The following EMILIN2 variants were observed in gnomAD, a reference collection of about 807,000 sequenced individuals.
EMILIN2 encodes EMILIN-2.
A neutral mutation model predicts 87.1 loss-of-function variants in EMILIN2; 71 were observed. The ratio of observed to expected loss-of-function variants is 0.82; its 90% CI spans 0.67 to 0.99. The LOEUF is 0.99. Among genes scored for constraint, EMILIN2 ranks in the 50% least tolerant of loss-of-function variants. The pLI is 0.00. For synonymous variants in EMILIN2, 581 were observed against 563.4 expected, an observed-to-expected ratio of 1.03 and a Z score of -0.44; for missense variants, 1,407 against 1,371.8, an observed-to-expected ratio of 1.03 and a Z score of -0.40.
At chr18:2,860,360 C>T (rs1598486268) in intron 2 of EMILIN2, among the ~76,000 whole-genome samples, 3 of 152,174 alleles carry the variant, frequency 2.0e-5, no homozygotes, top group African/African-American at 7.2e-5. Flanking sequence ...TAACATTAGG[C>T]ATATCTCCTA....
In EMILIN2 at chr18:2,890,747, G is replaced by T; in HGVS notation, c.620G>T (p.Gly207Val). ...TVLDLQSSLA[G>V]VSENLKHATQ... ...CTTGACCTCCAGTCTTCCCTTGCTG[G>T]AGTGAGTGAAAATCTCAAACATGCC... Residue 207 changes from glycine (G) to valine (V), a missense_variant, in exon 4 of 8, where the codon GGA becomes GTA. Coordinates refer to ENST00000254528, the MANE Select transcript of EMILIN2 (RefSeq NM_032048.3). This position sits in a 1 kb window ranked among gnomAD's most constrained non-coding sequence, Gnocchi z 4.7. The T allele has an allele frequency of 1.2e-6, 2 of 1,614,012 alleles. No homozygotes were observed. Among genetic ancestry groups the T allele is most frequent in the Non-Finnish European group, 1.7e-6 (2 of 1,179,962 alleles).
At chr18:2,857,458 A>G (rs535150558) in intron 2 of EMILIN2, among the ~76,000 whole-genome samples, 6 of 152,308 alleles carry the variant, frequency 3.9e-5, no homozygotes, top group Non-Finnish European at 8.8e-5. Flanking sequence ...TTGTGAGAGG[A>G]TAATGAGGTA....
chr18:2,857,853 G>A (rs1360037252), intron 2 of EMILIN2, among the ~76,000 whole-genome samples: 2 of 152,214 alleles, frequency 1.3e-5, no homozygotes, highest in Admixed American at 1.3e-4. Context: ...GCTGGTGCCA[G>A]GAAGCAAGGT....
intron 2 of EMILIN2, among the ~76,000 whole-genome samples, chr18:2,877,222 T>C (rs1412227516): frequency 6.6e-6 from 1 of 152,204 alleles, no homozygotes; most frequent in Non-Finnish European, 1.5e-5. Context: ...TGACTGTCAG[T>C]AGGACAAAGT....
In EMILIN2 at chr18:2,847,597, T is replaced by C. The variant is rs1480946082; in HGVS notation, c.135-212T>C. Among the ~76,000 whole-genome samples the C allele has an allele frequency of 6.6e-6, 1 of 152,080 alleles. No individual in the cohort carries two copies. Among genetic ancestry groups the C allele is most frequent in the African/African-American group, 2.4e-5 (1 of 41,430 alleles). On this transcript the variant is annotated intron_variant, in intron 1 of 7. Coordinates refer to ENST00000254528, the MANE Select transcript of EMILIN2 (RefSeq NM_032048.3). The surrounding 1 kb of genome is among the most constrained non-coding windows in gnomAD (Gnocchi z 4.5). ...ATGAGCCCCTGGGACCATGGGTGCT[T>C]TTCTTTCCCGTCTTGGTCGGGTCCA... is the stretch of plus-strand genomic sequence containing the variant.
intron 4 of EMILIN2, among the ~76,000 whole-genome samples, chr18:2,895,963 G>A (rs1469405852): frequency 6.6e-6 from 1 of 152,130 alleles, no homozygotes; most frequent in Non-Finnish European, 1.5e-5. Context: ...ACACTGTGGT[G>A]TTTCTACTCA....
At position 2,847,299 on chromosome 18, in the gene EMILIN2, C is replaced by T; in HGVS notation, c.111C>T (p.Pro37=). 1 of 1,318,406 alleles carries T rather than the reference C, an allele frequency of 7.6e-7. No homozygotes were observed. Among genetic ancestry groups the T allele is most frequent in the Non-Finnish European group, 9.6e-7 (1 of 1,036,686 alleles). 81.7% of individuals were successfully genotyped at this position (1,318,406 alleles called of 1,614,324 possible). Residue 37 remains proline, a synonymous_variant, in exon 1 of 8, where the codon CCC becomes CCT. Coordinates refer to ENST00000254528, the MANE Select transcript of EMILIN2 (RefSeq NM_032048.3). The surrounding 1 kb of genome is among the most constrained non-coding windows in gnomAD (Gnocchi z 4.5). ...ACGCCGGCCCGCAGCCCGGGTATCC[C>T]GCGCGGCCCAGCGCCAGGAACAAGT... The part of the protein sequence containing the change: ...LCHAGPQPGY[P]ARPSARNKNW...
chr18:2,909,915 G>A, intron 7 of EMILIN2, 96 bp downstream of exon 7: 5 of 1,547,282 alleles, frequency 3.2e-6, no homozygotes, highest in Non-Finnish European at 4.4e-6. Flanking sequence ...AGCGTCCCGT[G>A]GGCTCAGGGA....
chr18:2,871,889 AT>A (rs1303886889), intron 2 of EMILIN2, among the ~76,000 whole-genome samples: 1 of 152,108 alleles, frequency 6.6e-6, no homozygotes, highest in Non-Finnish European at 1.5e-5. Context: ...TATAATTTTC[AT>A]TTCTGTAAAG....
At position 2,907,020 on chromosome 18, in the gene EMILIN2, G is replaced by A; in HGVS notation, c.2597G>A (p.Arg866Gln). The change falls in exon 5 of 8, where the codon CGG (arginine) becomes CAG (glutamine). Residue 866 changes from arginine to glutamine, a missense_variant. Coordinates refer to ENST00000254528, the MANE Select transcript of EMILIN2 (RefSeq NM_032048.3). ...GAGVSGRGLP[R>Q]GVDGQTGSGT... ...GGCGTGTCTGGGCGGGGTCTGCCGC[G>A]GGGCGTGGACGGCCAGACCGGGAGC... 1 of 1,317,846 alleles carries A rather than the reference G, an allele frequency of 7.6e-7. No individual in the cohort carries two copies. The highest frequency in any genetic ancestry group is 9.6e-7 in the Non-Finnish European group (1 of 1,037,624). The allele number at this position is 1,317,846 out of a possible 1,614,324, so 81.6% of individuals were successfully genotyped here.
chr18:2,884,279 T>C (rs762704244), intron 2 of EMILIN2, among the ~76,000 whole-genome samples: 2 of 151,716 alleles, frequency 1.3e-5, no homozygotes, highest in Admixed American at 1.3e-4. Flanking sequence ...TTTGAGACAG[T>C]CTCGCTGTGT....
At position 2,914,914 on chromosome 18, in the gene EMILIN2, G is replaced by A. The variant is rs912874717; in HGVS notation, c.*1510G>A. ...ATCTCACCCCATTACAACAGCTGGG[G>A]AACTGGCTAAAGAGAGCTGTCAGAG... On this transcript the variant is annotated 3_prime_UTR_variant, in exon 8 of 8. Transcript: ENST00000254528. 4 of 152,370 alleles carry A rather than the reference G, an allele frequency of 2.6e-5. No homozygotes were observed. The highest frequency in any genetic ancestry group is 3.4e-3 in the Middle Eastern group (1 of 294). 9.4% of individuals were successfully genotyped at this position (152,370 alleles called of 1,614,324 possible).
intron 4 of EMILIN2, among the ~76,000 whole-genome samples, chr18:2,895,936 C>G (rs910228532): frequency 6.6e-6 from 1 of 152,152 alleles, no homozygotes; most frequent in African/African-American, 2.4e-5. Flanking sequence ...GTAAGCAGAT[C>G]GCCAGACCGG....
At position 2,891,365 on chromosome 18, in the gene EMILIN2, A is replaced by G; in HGVS notation, c.1238A>G (p.Asp413Gly). 6.2e-7 allele frequency: 1 copy of G among 1,614,222 alleles called. No homozygotes were observed. The highest frequency in any genetic ancestry group is 8.5e-7 in the Non-Finnish European group (1 of 1,180,042). Residue 413 changes from aspartate (D) to glycine (G), a missense_variant, in exon 4 of 8, where the codon GAC becomes GGC. Asp to Gly is a moderately conservative substitution (Grantham distance 94). Coordinates refer to ENST00000254528, the MANE Select transcript of EMILIN2 (RefSeq NM_032048.3). The surrounding 1 kb of genome is among the most constrained non-coding windows in gnomAD (Gnocchi z 4.6). ...GDIGQQIKTLDQKIERVAEAT... is the reference protein window; with the variant it reads ...GDIGQQIKTLGQKIERVAEAT... Reference sequence around the variant, plus strand: ...ATTGGTCAACAGATCAAGACATTGGACCAGAAAATCGAGAGAGTTGCTGAA... The same window carrying G: ...ATTGGTCAACAGATCAAGACATTGGGCCAGAAAATCGAGAGAGTTGCTGAA...
chr18:2,912,205 A>AT (rs11401685), intron 7 of EMILIN2, among the ~76,000 whole-genome samples: 8,018 of 151,086 alleles, frequency 0.053, 608 homozygotes, highest in African/African-American at 0.16. Flanking sequence ...CGCCCATCTA[A>AT]TTTTTTTTGT....
intron 2 of EMILIN2, among the ~76,000 whole-genome samples, chr18:2,853,664 G>A (rs2076612554): frequency 6.6e-6 from 1 of 152,204 alleles, no homozygotes; most frequent in Non-Finnish European, 1.5e-5. Context: ...AGCAGAGCCT[G>A]CCTTCAAACC....
intron 2 of EMILIN2, among the ~76,000 whole-genome samples, chr18:2,872,682 C>T (rs1279307210): frequency 1.3e-5 from 2 of 152,112 alleles, no homozygotes; most frequent in African/African-American, 4.8e-5. Flanking sequence ...TTTTGCTAAG[C>T]TGTAAGTGAC....
At chr18:2,900,219 G>C (rs569886051) in intron 4 of EMILIN2, among the ~76,000 whole-genome samples, 1 of 151,800 alleles carries the variant, frequency 6.6e-6, no homozygotes, top group Admixed American at 6.6e-5. Context: ...ACAGGGTCTT[G>C]CTCTGTTGCC....
chr18:2,899,108 C>T (rs527659420), intron 4 of EMILIN2, among the ~76,000 whole-genome samples: 11 of 152,118 alleles, frequency 7.2e-5, no homozygotes, highest in South Asian at 2.1e-4. Flanking sequence ...AAAAACTCCT[C>T]GGCTCACTCA....
Sources: gnomAD v4.1 joint callset for allele counts (sites outside exome capture counted in the v4.1 genomes callset) on GRCh38, gnomAD v4.1.1 for gene constraint, Gnocchi (gnomAD v3.1) non-coding constraint, MANE v1.5 for transcripts, NCBI Gene and HGNC (gene_info 2026-07-23, HGNC 2026-07-21) for gene names.